The following LRMDA variants were observed in gnomAD, a reference collection of about 807,000 sequenced individuals.
The protein encoded by LRMDA is leucine-rich melanocyte differentiation-associated protein.
A neutral mutation model predicts 29.8 loss-of-function variants in LRMDA; 18 were observed. The observed-to-expected ratio is 0.60, with a 90% CI of 0.42 to 0.90. The LOEUF (loss-of-function observed/expected upper bound fraction) is 0.90, where lower values mean the gene tolerates loss of function less well. Among genes scored for constraint, LRMDA ranks in the 40% least tolerant of loss-of-function variants. The pLI is 0.00. For synonymous variants in LRMDA, 125 were observed against 109.4 expected (o/e 1.14, Z -0.89); for missense variants, 273 against 273.9 (o/e 1.00, Z 0.02).
chr10:75,795,263 G>A (rs568045449), intron 2 of LRMDA, among the ~76,000 whole-genome samples: 4 of 152,212 alleles, frequency 2.6e-5, no homozygotes, highest in Non-Finnish European at 4.4e-5. Flanking sequence ...GTATGGTGGT[G>A]CATGCCTGTA....
intron 6 of LRMDA, among the ~76,000 whole-genome samples, chr10:76,533,134 GGAGAGCGAGAGC>G (rs200548501): frequency 1.4e-5 from 2 of 140,950 alleles, no homozygotes; most frequent in African/African-American, 5.0e-5. Context: ...ACTTGTAGAT[GGAGAGCGAGAGC>G]GAGAGTGAGA....
intron 2 of LRMDA, among the ~76,000 whole-genome samples, chr10:75,776,017 A>G (rs934703907): frequency 6.6e-6 from 1 of 152,186 alleles, no homozygotes; most frequent in Non-Finnish European, 1.5e-5. Context: ...CCATGAGGCT[A>G]CTATAATTTG....
At chr10:75,675,536 T>G (rs138632872) in intron 2 of LRMDA, among the ~76,000 whole-genome samples, 9 of 152,274 alleles carry the variant, frequency 5.9e-5, no homozygotes, top group Non-Finnish European at 1.2e-4. Context: ...TCTTACAGAT[T>G]TAATTTCCAG....
intron 2 of LRMDA, among the ~76,000 whole-genome samples, chr10:75,956,073 G>A (rs541619870): frequency 1.3e-5 from 2 of 152,304 alleles, no homozygotes; most frequent in African/African-American, 4.8e-5. Flanking sequence ...GGTCTCTAAA[G>A]AAATTGTAGT....
At chr10:75,802,704 A>G (rs753045626) in intron 2 of LRMDA, among the ~76,000 whole-genome samples, 1 of 152,136 alleles carries the variant, frequency 6.6e-6, no homozygotes, top group African/African-American at 2.4e-5. Flanking sequence ...CTGGCACATA[A>G]TAAGTGCGTA....
At chr10:75,860,311 GTTTTTTTTTT>G (rs56875392) in intron 2 of LRMDA, among the ~76,000 whole-genome samples, 6 of 69,270 alleles carry the variant, frequency 8.7e-5, no homozygotes, top group Non-Finnish European at 1.5e-4. Flanking sequence ...GATGTTTCTG[GTTTTTTTTTT>G]TTTTTTTTTT....
At chr10:75,663,283 C>T (rs371536931) in intron 2 of LRMDA, among the ~76,000 whole-genome samples, 20 of 152,246 alleles carry the variant, frequency 1.3e-4, no homozygotes, top group African/African-American at 4.6e-4. Context: ...TTAGTGGATT[C>T]CATATTTGCT....
At chr10:76,121,867 A>C (rs888625255) in intron 5 of LRMDA, among the ~76,000 whole-genome samples, 3 of 152,114 alleles carry the variant, frequency 2.0e-5, no homozygotes, top group African/African-American at 7.2e-5. Context: ...CCCATTGGGG[A>C]TCATGCATTA....
intron 5 of LRMDA, among the ~76,000 whole-genome samples, chr10:76,159,266 G>A (rs1228818105): frequency 6.6e-6 from 1 of 152,128 alleles, no homozygotes; most frequent in African/African-American, 2.4e-5. Flanking sequence ...TGAACCAAAT[G>A]AATATTAAAA....
At chr10:76,405,222 C>T (rs1441880775) in intron 6 of LRMDA, among the ~76,000 whole-genome samples, 3 of 152,166 alleles carry the variant, frequency 2.0e-5, no homozygotes, top group Non-Finnish European at 4.4e-5. Flanking sequence ...TCTTGGTCCC[C>T]GGTTCTTCTG....
At chr10:76,234,366 A>T (rs563906229) in intron 5 of LRMDA, among the ~76,000 whole-genome samples, 173 of 152,302 alleles carry the variant, frequency 1.1e-3, no homozygotes, top group Non-Finnish European at 1.9e-3. Context: ...TGTTTCATTG[A>T]TAGCACACAG....
chr10:75,841,941 T>C (rs1844547596), intron 2 of LRMDA, among the ~76,000 whole-genome samples: 1 of 152,212 alleles, frequency 6.6e-6, no homozygotes, highest in Non-Finnish European at 1.5e-5. Flanking sequence ...TCTCTGTTTC[T>C]TCATTGGTAG....
At chr10:76,547,746 C>A (rs937131817) in intron 6 of LRMDA, among the ~76,000 whole-genome samples, 1 of 152,146 alleles carries the variant, frequency 6.6e-6, no homozygotes, top group African/African-American at 2.4e-5. Context: ...TGACCACTGT[C>A]CGCTTTGACT....
chr10:76,178,462 T>C (rs1391546518), intron 5 of LRMDA, among the ~76,000 whole-genome samples: 2 of 152,164 alleles, frequency 1.3e-5, no homozygotes, highest in Non-Finnish European at 1.5e-5. Flanking sequence ...GAAAGAACCA[T>C]GTTTTGAGGA....
intron 6 of LRMDA, among the ~76,000 whole-genome samples, chr10:76,362,434 A>C (rs1448137472): frequency 6.6e-6 from 1 of 152,268 alleles, no homozygotes; most frequent in Non-Finnish European, 1.5e-5. Context: ...ATTAATTGAA[A>C]GTAACATAGT....
chr10:76,556,441 T>G (rs1843558399), intron 6 of LRMDA: 1 of 152,038 alleles, frequency 6.6e-6, no homozygotes, highest in South Asian at 2.1e-4. Context: ...AAGCTCCACC[T>G]CCCGGGTTCA....
chr10:76,172,194 C>G, intron 5 of LRMDA, among the ~76,000 whole-genome samples: 1 of 152,186 alleles, frequency 6.6e-6, no homozygotes, highest in African/African-American at 2.4e-5. Flanking sequence ...ACTCAAACAC[C>G]TGCTACTAGG....
intron 6 of LRMDA, among the ~76,000 whole-genome samples, chr10:76,402,757 A>G (rs1034834674): frequency 6.6e-6 from 1 of 152,186 alleles, no homozygotes; most frequent in Non-Finnish European, 1.5e-5. Flanking sequence ...CCTAAGAATT[A>G]CTAAGGAGGG....
chr10:75,580,936 T>A (rs1171696989), intron 2 of LRMDA, among the ~76,000 whole-genome samples: 1 of 152,218 alleles, frequency 6.6e-6, no homozygotes, highest in African/African-American at 2.4e-5. Flanking sequence ...GATTAAAGAC[T>A]TAAACATAAG....
Sources: gnomAD v4.1 joint callset for allele counts (sites outside exome capture counted in the v4.1 genomes callset) on GRCh38, gnomAD v4.1.1 for gene constraint, MANE v1.5 for transcripts, NCBI Gene and HGNC (gene_info 2026-07-23, HGNC 2026-07-21) for gene names.